SOX6: variants seen among roughly 807,000 people sequenced by gnomAD.
The protein encoded by SOX6 is SRY-box transcription factor 6, also known as transcription factor SOX-6.
SOX6 carries 11 observed loss-of-function variants against 97.8 expected under a neutral mutation model. That is an observed-to-expected ratio of 0.11 (90% CI 0.07 to 0.19). SOX6 has a LOEUF of 0.19. Ranked by LOEUF, SOX6 falls within the 10% of genes least tolerant of loss-of-function variation. The pLI is 1.00. For missense variants in SOX6, 810 were observed against 1,039.5 expected, an observed-to-expected ratio of 0.78 and a Z score of 3.04; for synonymous variants, 360 against 371.4, an observed-to-expected ratio of 0.97 and a Z score of 0.35.
intron 1 of SOX6, among the ~76,000 whole-genome samples, chr11:16,431,207 C>G (rs1859266179): frequency 6.6e-6 from 1 of 152,124 alleles, no homozygotes; most frequent in Admixed American, 6.6e-5. Context: ...TCCCTACCAC[C>G]TTTGCCATGC....
At chr11:16,075,722 T>C (rs1270457772) in intron 9 of SOX6, among the ~76,000 whole-genome samples, 1 of 152,120 alleles carries the variant, frequency 6.6e-6, no homozygotes, top group East Asian at 1.9e-4. Context: ...AGTTGATACA[T>C]GCAGCTAACC....
intron 10 of SOX6, among the ~76,000 whole-genome samples, chr11:16,052,888 G>A (rs1202570096): frequency 6.6e-6 from 1 of 152,098 alleles, no homozygotes; most frequent in African/African-American, 2.4e-5. Context: ...TTCCACTCTG[G>A]CTATTTCTGG....
At chr11:16,357,408 G>A (rs2134369877), upstream of SOX6, among the ~76,000 whole-genome samples, 1 of 152,226 alleles carries the variant, frequency 6.6e-6, no homozygotes, top group Admixed American at 6.5e-5. Context: ...GAGCACTGAA[G>A]CTCTGATTTA....
At chr11:16,324,421 A>G (rs1856012499) in intron 2 of SOX6, among the ~76,000 whole-genome samples, 1 of 152,174 alleles carries the variant, frequency 6.6e-6, no homozygotes, top group African/African-American at 2.4e-5. Flanking sequence ...TTCCAATTGT[A>G]GGAATTATTT....
intron 10 of SOX6, among the ~76,000 whole-genome samples, chr11:16,055,036 T>A (rs1468931758): frequency 6.6e-6 from 1 of 152,134 alleles, no homozygotes; most frequent in African/African-American, 2.4e-5. Context: ...CTATCACAAC[T>A]ATATGGCATC....
intron 1 of SOX6, among the ~76,000 whole-genome samples, chr11:16,383,084 T>C (rs1292256485): frequency 2.0e-5 from 3 of 151,992 alleles, no homozygotes; most frequent in Non-Finnish European, 4.4e-5. Flanking sequence ...TAGCAAAGAA[T>C]GCACTCACGA....
chr11:16,722,638 G>A (rs2134054909), intron 2 of SOX6, among the ~76,000 whole-genome samples: 1 of 151,380 alleles, frequency 6.6e-6, no homozygotes, highest in East Asian at 1.9e-4. Context: ...GCAACAAAGT[G>A]AAACTCTGTC....
intron 12 of SOX6, among the ~76,000 whole-genome samples, chr11:16,019,320 T>G (rs1191451622): frequency 6.6e-6 from 1 of 152,124 alleles, no homozygotes; most frequent in East Asian, 1.9e-4. Flanking sequence ...TATATTTCAT[T>G]CCAATGGTCT....
chr11:16,082,900 T>A (rs1564944913), intron 9 of SOX6, among the ~76,000 whole-genome samples: 2 of 152,180 alleles, frequency 1.3e-5, no homozygotes. Context: ...CACCTATGAT[T>A]GCTCCTGTAC....
intron 4 of SOX6, among the ~76,000 whole-genome samples, chr11:16,543,284 A>G (rs934387979): frequency 1.3e-5 from 2 of 152,096 alleles, no homozygotes; most frequent in African/African-American, 4.8e-5. Context: ...ATATACCACC[A>G]TATATTTTTG....
intron 4 of SOX6, among the ~76,000 whole-genome samples, chr11:16,499,588 G>A (rs1404703484): frequency 1.3e-5 from 2 of 152,046 alleles, no homozygotes. Context: ...AGAAAAGAGA[G>A]AAGAATCAAA....
intron 3 of SOX6, among the ~76,000 whole-genome samples, chr11:16,620,254 G>T (rs4756857): frequency 2.6e-5 from 4 of 152,008 alleles, no homozygotes; most frequent in African/African-American, 9.7e-5. Context: ...TCCAATGTTT[G>T]TTTCTATTCT....
At chr11:16,448,876 A>G (rs1308062098) in intron 1 of SOX6, among the ~76,000 whole-genome samples, 1 of 152,088 alleles carries the variant, frequency 6.6e-6, no homozygotes, top group African/African-American at 2.4e-5. Flanking sequence ...TACAAAAAAC[A>G]ATTTTAAAGT....
At chr11:16,047,734 GTA>G (rs10669599) in intron 11 of SOX6, among the ~76,000 whole-genome samples, 131 of 143,918 alleles carry the variant, frequency 9.1e-4, no homozygotes, top group African/African-American at 2.7e-3. Flanking sequence ...GTGTGTGTGT[GTA>G]TGTGTGTGTA....
chr11:16,408,785 T>G (rs1466002955), intron 1 of SOX6: 1 of 151,910 alleles, frequency 6.6e-6, no homozygotes, highest in Non-Finnish European at 1.5e-5. Context: ...CAAGGAGTCT[T>G]CCTGCCTCAG....
intron 13 of SOX6, among the ~76,000 whole-genome samples, chr11:16,006,815 C>A (rs1246055483): frequency 1.3e-5 from 2 of 151,988 alleles, no homozygotes; most frequent in African/African-American, 4.8e-5. Flanking sequence ...TTTTAAAAAA[C>A]CTTTCCCTCC....
At chr11:16,604,112 A>T (rs1424287451) in intron 4 of SOX6, among the ~76,000 whole-genome samples, 1 of 152,268 alleles carries the variant, frequency 6.6e-6, no homozygotes, top group Non-Finnish European at 1.5e-5. Flanking sequence ...TTGCGGGATC[A>T]GCTTCGCCGG....
At chr11:16,297,469 C>T (rs1054929520) in intron 3 of SOX6, among the ~76,000 whole-genome samples, 4 of 152,108 alleles carry the variant, frequency 2.6e-5, no homozygotes, top group African/African-American at 9.7e-5. Context: ...TGGCAAAGTG[C>T]CCATATTGTA....
Position 16,119,227 on chromosome 11 carries a change from C to T in SOX6, c.778-7304G>A, listed in dbSNP as rs997061597. Among the ~76,000 whole-genome samples the T allele has an allele frequency of 1.3e-5, 2 of 152,082 alleles. 1 individual carries two copies. The highest frequency in any genetic ancestry group is 6.3e-3 in the Middle Eastern group (2 of 316). On this transcript the variant is annotated intron_variant, in intron 6 of 15. Transcript: ENST00000683767. ...AGGTCAGAAATGTGTCTTCTTATTG[C>T]CAAAAAGTGCATGGAAATCCACAGT...
Sources: allele counts gnomAD v4.1 joint callset (sites outside exome capture counted in the v4.1 genomes callset), GRCh38; gene constraint gnomAD v4.1.1; transcripts MANE v1.5; gene names NCBI Gene and HGNC (gene_info 2026-07-23, HGNC 2026-07-21).